Variants in IRGM observed in about 807,000 individuals in gnomAD.
The protein encoded by IRGM is immunity related GTPase M, also known as immunity-related GTPase family M protein.
For synonymous variants in IRGM, 98 were observed against 80.6 expected (o/e 1.22, Z -1.16); for missense variants, 288 against 219.9 (o/e 1.31, Z -1.96).
chr5:150,861,307 G>T (rs559266933), intron 1 of IRGM, among the ~76,000 whole-genome samples: 2 of 152,134 alleles, frequency 1.3e-5, no homozygotes, highest in African/African-American at 4.8e-5. Flanking sequence ...TCAAAGTATC[G>T]TAGTTTCAGG....
intron 1 of IRGM, among the ~76,000 whole-genome samples, chr5:150,861,006 A>G (rs1341557841): frequency 3.3e-5 from 5 of 152,182 alleles, no homozygotes; most frequent in Non-Finnish European, 5.9e-5. Flanking sequence ...AGACACCCAT[A>G]ACTGAATGGC....
At chr5:150,856,093 A>G (rs1287075334) in intron 1 of IRGM, among the ~76,000 whole-genome samples, 1 of 152,106 alleles carries the variant, frequency 6.6e-6, no homozygotes, top group Non-Finnish European at 1.5e-5. Flanking sequence ...AAAAGTATGT[A>G]TATATATGTC....
At chr5:150,899,184 C>A (rs757169965) in intron 3 of IRGM, among the ~76,000 whole-genome samples, 8 of 152,032 alleles carry the variant, frequency 5.3e-5, no homozygotes, top group Non-Finnish European at 8.8e-5. Flanking sequence ...TTCTAGCCTC[C>A]AGAACTATGA....
chr5:150,899,886 AATG>A (rs946770476), intron 3 of IRGM, among the ~76,000 whole-genome samples: 1 of 152,156 alleles, frequency 6.6e-6, no homozygotes, highest in African/African-American at 2.4e-5. Context: ...TCAGAATGAA[AATG>A]ATTATTTCAA....
intron 1 of IRGM, among the ~76,000 whole-genome samples, chr5:150,871,750 G>C (rs1244438673): frequency 6.6e-6 from 1 of 152,212 alleles, no homozygotes; most frequent in Non-Finnish European, 1.5e-5. Flanking sequence ...TTAAAGAAGA[G>C]TGTAGTGTAG....
At chr5:150,880,005 C>A (rs1043751273) in intron 3 of IRGM, among the ~76,000 whole-genome samples, 3 of 152,142 alleles carry the variant, frequency 2.0e-5, no homozygotes, top group Non-Finnish European at 2.9e-5. Context: ...TCTAGTCTCC[C>A]ACTTTCTTCC....
At chr5:150,896,357 C>T (rs1754780583) in intron 3 of IRGM, 6 of 1,613,486 alleles carry the variant, frequency 3.7e-6, no homozygotes, top group South Asian at 1.1e-5. Context: ...CATATGGTTT[C>T]TTTCCAGTAT....
chr5:150,871,609 C>G (rs1754282427), intron 1 of IRGM, among the ~76,000 whole-genome samples: 1 of 152,174 alleles, frequency 6.6e-6, no homozygotes, highest in Admixed American at 6.5e-5. Context: ...GGGGGATAAA[C>G]CTGTTTTTCC....
chr5:150,853,296 C>A (rs1005569096), downstream of IRGM, among the ~76,000 whole-genome samples: 2 of 152,132 alleles, frequency 1.3e-5, no homozygotes, highest in Non-Finnish European at 2.9e-5. Flanking sequence ...AAAGACACTG[C>A]ATAATTTCAA....
At chr5:150,869,328 C>A (rs972433189) in intron 1 of IRGM, among the ~76,000 whole-genome samples, 8 of 152,032 alleles carry the variant, frequency 5.3e-5, no homozygotes, top group Non-Finnish European at 8.8e-5. Context: ...TGGTATGAAA[C>A]CCATTTGATC....
chr5:150,878,149 T>C, intron 2 of IRGM: 1 of 410,378 alleles, frequency 2.4e-6, no homozygotes, highest in Non-Finnish European at 4.7e-6. Flanking sequence ...TTTTAGTAAG[T>C]TTAAAGTTTG....
intron 1 of IRGM, among the ~76,000 whole-genome samples, chr5:150,876,207 G>A (rs998452013): frequency 3.9e-5 from 6 of 152,162 alleles, no homozygotes; most frequent in Non-Finnish European, 8.8e-5. Flanking sequence ...GTTATCCAGA[G>A]GGCTGTGTAT....
chr5:150,900,002 A>G (rs1311398581), intron 3 of IRGM, among the ~76,000 whole-genome samples: 1 of 152,020 alleles, frequency 6.6e-6, no homozygotes, highest in East Asian at 1.9e-4. Flanking sequence ...TCCCACACCA[A>G]TTCCATATTC....
chr5:150,856,288 A>G (rs981170542), intron 1 of IRGM, among the ~76,000 whole-genome samples: 8 of 151,992 alleles, frequency 5.3e-5, no homozygotes, highest in Admixed American at 5.2e-4. Context: ...AAAATTAGCC[A>G]GGCATGGTGG....
Position 150,893,474 on chromosome 5 carries a change from A to G in IRGM, c.*141-7115A>G, listed in dbSNP as rs80325837. Among the ~76,000 whole-genome samples, 1,064 of 152,286 alleles carry G rather than the reference A, an allele frequency of 7.0e-3. 6 individuals carry two copies. Among genetic ancestry groups the G allele is most frequent in the Non-Finnish European group, 0.011 (729 of 68,000 alleles). On this transcript the variant is annotated intron_variant and NMD_transcript_variant, in intron 3 of 3. Transcript: ENST00000520549. ...TAAAAAAGGTTGTTGAGGTGTTGAT[A>G]TAAGGTTCATTGACTACTGTGAAAA... is the stretch of plus-strand genomic sequence containing the variant.
downstream of IRGM, chr5:150,848,713 C>A (rs1753927658): frequency 7.5e-7 from 1 of 1,340,218 alleles, no homozygotes; most frequent in Non-Finnish European, 1.0e-6. Context: ...CTATTGATTC[C>A]TTTTCTCCTT....
chr5:150,848,739 A>C, downstream of IRGM: 1 of 1,092,022 alleles, frequency 9.2e-7, no homozygotes, highest in Non-Finnish European at 1.3e-6. Context: ...CACTGGACTC[A>C]TTGAAACACA....
rs77215237 is a variant in IRGM, at chr5:150,886,943, T to C, written c.*140+7297T>C. Among the ~76,000 whole-genome samples the C allele has an allele frequency of 4.9e-3, 753 of 152,162 alleles. 22 individuals are homozygous for C. The East Asian group carries it at 0.082, about 17-fold the overall frequency. ...ATTTTGGTTATTTCTTGTCTTTTGA[T>C]AGCTTTGGAGTGGATTTGTTCTTGC... On this transcript the variant is annotated intron_variant and NMD_transcript_variant, in intron 3 of 3. Transcript: ENST00000520549.
intron 3 of IRGM, chr5:150,894,890 T>C (rs1754700305): frequency 6.6e-6 from 1 of 152,314 alleles, no homozygotes; most frequent in Admixed American, 6.5e-5. Flanking sequence ...ACTTATATGC[T>C]TGAGATGGGA....
Sources: allele counts gnomAD v4.1 joint callset (sites outside exome capture counted in the v4.1 genomes callset), GRCh38; gene constraint gnomAD v4.1.1; transcripts MANE v1.5; gene names NCBI Gene and HGNC (gene_info 2026-07-23, HGNC 2026-07-21).